The following ADAMTSL1 variants were observed in gnomAD, a reference collection of about 807,000 sequenced individuals.
ADAMTSL1 encodes ADAMTS-like protein 1.
A neutral mutation model predicts 201.8 loss-of-function variants in ADAMTSL1; 126 were observed. The observed-to-expected ratio is 0.62, with a 90% CI of 0.54 to 0.72. ADAMTSL1 has a LOEUF of 0.72. ADAMTSL1 is among the 30% of genes least tolerant of loss of function. ADAMTSL1 has a pLI of 0.00. For synonymous variants in ADAMTSL1, 1,121 were observed against 903.4 expected, an observed-to-expected ratio of 1.24 and a Z score of -4.32; for missense variants, 2,679 against 2,277.8, an observed-to-expected ratio of 1.18 and a Z score of -3.59.
At chr9:18,521,439 G>C (rs1468440596) in intron 2 of ADAMTSL1, among the ~76,000 whole-genome samples, 1 of 151,164 alleles carries the variant, frequency 6.6e-6, no homozygotes, top group Non-Finnish European at 1.5e-5. Context: ...ACACCTACTA[G>C]ATACCCACAA....
intron 1 of ADAMTSL1, among the ~76,000 whole-genome samples, chr9:18,122,127 T>TTAA (rs1825528547): frequency 6.6e-6 from 1 of 152,170 alleles, no homozygotes; most frequent in African/African-American, 2.4e-5. Context: ...TGACATGGAG[T>TTAA]CCATTTAAAC....
intron 1 of ADAMTSL1, among the ~76,000 whole-genome samples, chr9:18,125,298 A>C (rs1021622383): frequency 6.6e-5 from 10 of 152,114 alleles, no homozygotes; most frequent in African/African-American, 2.4e-4. Context: ...ATTCACTACC[A>C]TGAGAACAAT....
At chr9:18,493,678 C>T (rs2131866731) in intron 1 of ADAMTSL1, among the ~76,000 whole-genome samples, 1 of 152,044 alleles carries the variant, frequency 6.6e-6, no homozygotes, top group South Asian at 2.1e-4. Context: ...CTTTTTTTGC[C>T]CCCATGATTC....
chr9:18,427,561 G>A (rs1819282886), intron 2 of ADAMTSL1, among the ~76,000 whole-genome samples: 1 of 152,212 alleles, frequency 6.6e-6, no homozygotes, highest in South Asian at 2.1e-4. Flanking sequence ...TCTGCAACTT[G>A]TCTAAGAAAT....
intron 1 of ADAMTSL1, among the ~76,000 whole-genome samples, chr9:18,496,857 C>G (rs761678735): frequency 6.6e-5 from 10 of 152,158 alleles, no homozygotes; most frequent in Non-Finnish European, 1.5e-4. Context: ...TGATTGGAGT[C>G]ACAGTTTGGA....
intron 1 of ADAMTSL1, among the ~76,000 whole-genome samples, chr9:18,102,455 T>C (rs16936310): frequency 0.041 from 6,320 of 152,338 alleles, 409 homozygotes; most frequent in East Asian, 0.36. Context: ...CACAAATGTT[T>C]CAAAAACGTA....
At chr9:18,896,750 C>G (rs1458785825) in intron 26 of ADAMTSL1, among the ~76,000 whole-genome samples, 1 of 152,152 alleles carries the variant, frequency 6.6e-6, no homozygotes, top group East Asian at 1.9e-4. Flanking sequence ...CCCTAGTGAG[C>G]CAATGCAACC....
intron 2 of ADAMTSL1, among the ~76,000 whole-genome samples, chr9:18,393,468 A>G (rs1455487949): frequency 6.6e-6 from 1 of 152,218 alleles, no homozygotes; most frequent in Non-Finnish European, 1.5e-5. Flanking sequence ...CAGTTCTGAG[A>G]AAACAAGGAT....
intron 2 of ADAMTSL1, among the ~76,000 whole-genome samples, chr9:18,242,362 C>G (rs910628822): frequency 1.3e-5 from 2 of 152,050 alleles, no homozygotes; most frequent in African/African-American, 2.4e-5. Flanking sequence ...GAAAATTCCT[C>G]AACATAATAA....
intron 2 of ADAMTSL1, among the ~76,000 whole-genome samples, chr9:18,342,645 G>T (rs890451911): frequency 2.6e-5 from 4 of 152,274 alleles, no homozygotes; most frequent in African/African-American, 9.6e-5. Flanking sequence ...TAGGGATGAG[G>T]AGGTGGCCAT....
chr9:18,403,204 G>C (rs1335921858), intron 2 of ADAMTSL1, among the ~76,000 whole-genome samples: 1 of 150,518 alleles, frequency 6.6e-6, no homozygotes, highest in East Asian at 1.9e-4. Flanking sequence ...ATTTTTTTGA[G>C]ATGGAGTCTT....
chr9:18,457,713 A>G (rs1008300592), intron 2 of ADAMTSL1, among the ~76,000 whole-genome samples: 7 of 152,220 alleles, frequency 4.6e-5, no homozygotes, highest in Admixed American at 4.6e-4. Context: ...GTTCTGAGTC[A>G]TGCCTTAGAC....
At chr9:18,130,135 C>A (rs1564016689) in intron 1 of ADAMTSL1, among the ~76,000 whole-genome samples, 1 of 152,140 alleles carries the variant, frequency 6.6e-6, no homozygotes, top group Non-Finnish European at 1.5e-5. Context: ...TAACTTCTTG[C>A]CATCACAGTA....
intron 1 of ADAMTSL1, among the ~76,000 whole-genome samples, chr9:18,158,980 A>G (rs1452313235): frequency 1.3e-5 from 2 of 152,012 alleles, no homozygotes; most frequent in Non-Finnish European, 2.9e-5. Flanking sequence ...GGCTCCAATA[A>G]ATGTTTCTAT....
chr9:18,362,548 C>T (rs139535852), intron 2 of ADAMTSL1, among the ~76,000 whole-genome samples: 73 of 152,288 alleles, frequency 4.8e-4, no homozygotes, highest in African/African-American at 1.7e-3. Flanking sequence ...AAGGAGCTGG[C>T]ATTTTGCTGG....
intron 1 of ADAMTSL1, among the ~76,000 whole-genome samples, chr9:17,942,161 A>C (rs1220254281): frequency 6.6e-6 from 1 of 152,078 alleles, no homozygotes; most frequent in Non-Finnish European, 1.5e-5. Flanking sequence ...GGGGATAGAG[A>C]GTTATTGTTT....
chr9:18,302,165 C>T (rs1344908895), intron 2 of ADAMTSL1, among the ~76,000 whole-genome samples: 1 of 152,140 alleles, frequency 6.6e-6, no homozygotes, highest in South Asian at 2.1e-4. Context: ...TCCAACAATT[C>T]TTTATGCCAG....
At chr9:18,075,697 T>G (rs1454766692) in intron 1 of ADAMTSL1, among the ~76,000 whole-genome samples, 1 of 152,138 alleles carries the variant, frequency 6.6e-6, no homozygotes, top group African/African-American at 2.4e-5. Flanking sequence ...GGAAAGAAAG[T>G]AACATCCTTG....
chr9:18,559,056 G>C (rs535350710), intron 3 of ADAMTSL1, among the ~76,000 whole-genome samples: 1 of 152,152 alleles, frequency 6.6e-6, no homozygotes, highest in African/African-American at 2.4e-5. Context: ...CATTGGTTTT[G>C]GTGTTTTAGT....
Sources: allele counts gnomAD v4.1 joint callset (sites outside exome capture counted in the v4.1 genomes callset), GRCh38; gene constraint gnomAD v4.1.1; transcripts MANE v1.5; gene names NCBI Gene and HGNC (gene_info 2026-07-23, HGNC 2026-07-21).